The following CGB1 variants were observed in gnomAD, a reference collection of about 807,000 sequenced individuals.
The protein encoded by CGB1 is choriogonadotropin subunit beta variant 1.
A neutral mutation model predicts 7.0 loss-of-function variants in CGB1; 4 were observed. That is an observed-to-expected ratio of 0.57 (90% CI 0.28 to 1.31). The LOEUF (loss-of-function observed/expected upper bound fraction) is 1.31, where lower values mean the gene tolerates loss of function less well. Among genes scored for constraint, CGB1 ranks in the 50% most tolerant of loss-of-function variants. The pLI, the probability that CGB1 is intolerant of heterozygous loss-of-function variation, is 0.10. For missense variants in CGB1, 139 were observed against 219.1 expected, an observed-to-expected ratio of 0.63 and a Z score of 2.31; for synonymous variants, 72 against 96.4, an observed-to-expected ratio of 0.75 and a Z score of 1.48.
rs374210570 is a variant in CGB1 at position 49,035,740 on chromosome 19, C to T, written c.338G>A (p.Arg113His). 69 of 1,607,942 alleles carry T rather than the reference C, an allele frequency of 4.3e-5. No individual in the cohort carries two copies. Among genetic ancestry groups the T allele is most frequent in the Middle Eastern group, 4.5e-4 (2 of 4,442 alleles). Reference sequence around the variant, plus strand: ...GGGACCCCCGCAGTCAGTGGTGCTGCGGCGGCAGAGTGCACATTGACAGCT... The same window carrying T: ...GGGACCCCCGCAGTCAGTGGTGCTGTGGCGGCAGAGTGCACATTGACAGCT... ...ALSCQCALCRRSTTDCGGPKD... is the reference protein window; with the variant it reads ...ALSCQCALCRHSTTDCGGPKD... Residue 113 changes from arginine (R) to histidine (H), a missense_variant, in exon 3 of 3, where the codon CGC becomes CAC. Arg to His is a conservative substitution (Grantham distance 29). This residue lies in a region of CGB1 where 60 missense variants were observed against 105.8 expected (regional missense o/e 0.57). Transcript: ENST00000301407.
chr19:49,036,375 G>C, intron 1 of CGB1, 72 bp from the exon 2 acceptor site: 2 of 1,601,656 alleles, frequency 1.2e-6, no homozygotes, highest in Non-Finnish European at 1.7e-6. Flanking sequence ...ATCCCGCATG[G>C]TACACCACCC....
At position 49,035,677 on chromosome 19, in the gene CGB1, T is replaced by C. The variant is rs770198800; in HGVS notation, c.401A>G (p.Gln134Arg). The stretch of plus-strand genomic sequence containing the variant: ...AGGGGCCTTTGAGGAAGAGGAGTCC[T>C]GGAAGCGGGGGTCATCACAGGTCAA... ...HPLTCDDPRF[Q>R]DSSSSKAPPP... is the part of the protein sequence containing the mutation. The change falls in exon 3 of 3, where the codon CAG becomes CGG. Residue 134 changes from glutamine to arginine, a missense_variant. Physicochemically the swap from Gln to Arg is conservative, Grantham distance 43. This residue lies in a region of CGB1 where 44 missense variants were observed against 35.0 expected (regional missense o/e 1.26). Transcript: ENST00000301407. The C allele has an allele frequency of 7.5e-6, 12 of 1,610,254 alleles. No homozygotes were observed. Among genetic ancestry groups the C allele is most frequent in the Admixed American group, 3.3e-5 (2 of 59,906 alleles).
rs763390923 is a variant in CGB1 at position 49,035,684 on chromosome 19, G to A, written c.394C>T (p.Arg132Cys). The change falls in exon 3 of 3, where the codon CGC becomes TGC. Residue 132 changes from arginine to cysteine, a missense_variant. Arg to Cys is a radical substitution (Grantham distance 180). Transcript: ENST00000301407. ...TTTGAGGAAGAGGAGTCCTGGAAGC[G>A]GGGGTCATCACAGGTCAAGGGGTGG... ...KDHPLTCDDP[R>C]FQDSSSSKAP... 4.3e-6 allele frequency: 7 copies of A among 1,610,262 alleles called. No individual in the cohort carries two copies. Among genetic ancestry groups the A allele is most frequent in the Middle Eastern group, 2.3e-4 (1 of 4,438 alleles).
At chr19:49,036,521 C>A in intron 1 of CGB1, 182 bp downstream of exon 1, 3 of 1,597,380 alleles carry the variant, frequency 1.9e-6, no homozygotes, top group Non-Finnish European at 2.6e-6. Flanking sequence ...CAGGAACTGA[C>A]CCACCTGAAG....
Position 49,036,780 on chromosome 19 carries a change from C to A in CGB1, c.-69G>T, listed in dbSNP as rs573599743. The A allele has an allele frequency of 8.7e-6, 14 of 1,610,616 alleles. No homozygotes were observed. Among genetic ancestry groups the A allele is most frequent in the Admixed American group, 5.0e-5 (3 of 59,942 alleles). On this transcript the variant is annotated 5_prime_UTR_variant, in exon 1 of 3. Coordinates refer to ENST00000301407, the MANE Select transcript of CGB1 (RefSeq NM_033377.2). ...GGACATGGAAAGTAAATTGAGTCTC[C>A]GTGGGGGAGTGAGACAGGGAGTGAG...
chr19:49,036,563 G>C, intron 1 of CGB1, 140 bp downstream of exon 1: 35 of 1,612,376 alleles, frequency 2.2e-5, no homozygotes, highest in Non-Finnish European at 2.9e-5. Context: ...CCAGAAAGAG[G>C]CCTCCTTCCA....
At position 49,036,833 on chromosome 19, in the gene CGB1, G is replaced by C. The variant is rs900856459; in HGVS notation, c.-122C>G. The C allele has an allele frequency of 1.1e-5, 16 of 1,438,082 alleles. No individual in the cohort carries two copies. The Admixed American group carries it at 1.9e-4, about 17-fold the overall frequency. The allele number at this position is 1,438,082 out of a possible 1,614,324, so 89.1% of individuals were successfully genotyped here. A position where few individuals can be genotyped will look rare whatever the true frequency, so the allele number is the denominator to read the frequency against. On this transcript the variant is annotated 5_prime_UTR_variant, in exon 1 of 3. Transcript: ENST00000301407. ...GTGTTGGACGCGGCACGGGAACCTGGCCAGAGTCAGCGGACCCAATTGGCT... is the reference window on the plus strand; with the variant it reads ...GTGTTGGACGCGGCACGGGAACCTGCCCAGAGTCAGCGGACCCAATTGGCT...
Position 49,035,812 on chromosome 19 carries a change from C to T in CGB1, c.266G>A (p.Gly89Asp). 1 of 1,580,832 alleles carries T rather than the reference C, an allele frequency of 6.3e-7. No homozygotes were observed. The highest frequency in any genetic ancestry group is 1.8e-5 in the Admixed American group (1 of 56,986). The change falls in exon 3 of 3, where the codon GGC (glycine) becomes GAC (aspartate). Residue 89 changes from glycine (G) to aspartate (D), a missense_variant. By Grantham distance (94) the Gly-to-Asp change is moderately conservative (BLOSUM62 -1). Transcript: ENST00000301407. ...DVRFESIRLP[G>D]CPRGVNPVVS... ...CACGGGGTTCACGCCGCGCGGGCAG[C>T]CAGGGAGCCGGATGGACTCGAAGCG...
rs568088651 is a variant in CGB1, at chr19:49,036,416, T to C, written c.10-113A>G. 3.9e-4 allele frequency: 629 copies of C among 1,595,116 alleles called. 1 individual carries two copies. Among genetic ancestry groups the C allele is most frequent in the African/African-American group, 1.9e-3 (142 of 74,736 alleles). ...GACCCAGAGACCCTTCCCGGCATCT[T>C]CTATTCAGGACCCACCACCCGGACA... On this transcript the variant is annotated intron_variant, in intron 1 of 2. Coordinates refer to ENST00000301407, the MANE Select transcript of CGB1 (RefSeq NM_033377.2).
In CGB1 at chr19:49,035,610, C is replaced by T. The variant is rs542056595; in HGVS notation, c.468G>A (p.Ter156=). The T allele has an allele frequency of 9.1e-5, 147 of 1,611,392 alleles. 3 individuals are homozygous for T. Among genetic ancestry groups the T allele is most frequent in the East Asian group, 6.0e-4 (27 of 44,850 alleles). ...LPSPSRLPGP[*] is the part of the protein sequence containing the mutation. Reference sequence around the variant, plus strand: ...TTTATTGTGGGAGGATCGGGGTGTCCTAGGGCCCCGGGAGACGGGATGGAC... The same window carrying T: ...TTTATTGTGGGAGGATCGGGGTGTCTTAGGGCCCCGGGAGACGGGATGGAC... The change falls in exon 3 of 3, where the codon TAG becomes TAA. Residue 156 remains the stop codon, a stop_retained_variant. Transcript: ENST00000301407.
rs202114192 is a variant in CGB1, at chr19:49,035,634, A to G, written c.444T>C (p.Ser148=). The change falls in exon 3 of 3, where the codon AGT becomes AGC. Residue 148 remains serine, a synonymous_variant. Transcript: ENST00000301407. ...CCTAGGGCCCCGGGAGACGGGATGG[A>G]CTTGGAAGGCTGGGGGGAGGGGCCT... ...SSKAPPPSLP[S]PSRLPGP is the part of the protein sequence containing the mutation. 1,230 of 1,610,278 alleles carry G rather than the reference A, an allele frequency of 7.6e-4. 12 individuals are homozygous for G. Among genetic ancestry groups the G allele is most frequent in the African/African-American group, 7.6e-3 (566 of 74,122 alleles).
At position 49,036,843 on chromosome 19, in the gene CGB1, G is replaced by T. The variant is rs34228596; in HGVS notation, c.-132C>A. ...CGGCACGGGAACCTGGCCAGAGTCAGCGGACCCAATTGGCTGCTCTCTCTC... is the reference window on the plus strand; with the variant it reads ...CGGCACGGGAACCTGGCCAGAGTCATCGGACCCAATTGGCTGCTCTCTCTC... On this transcript the variant is annotated 5_prime_UTR_variant, in exon 1 of 3. In the 5' UTR this introduces an upstream ATG that the reference lacks. Coordinates refer to ENST00000301407, the MANE Select transcript of CGB1 (RefSeq NM_033377.2). 7.8e-4 allele frequency: 1,040 copies of T among 1,331,634 alleles called. 12 individuals are homozygous for T. In the East Asian group the frequency reaches 0.022, roughly 28 times the overall value. 82.5% of individuals were successfully genotyped at this position (1,331,634 alleles called of 1,614,324 possible).
chr19:49,036,026 AC>A, intron 2 of CGB1, 109 bp downstream of exon 2: 1 of 1,482,142 alleles, frequency 6.7e-7, no homozygotes, highest in Middle Eastern at 2.4e-4. Context: ...GCCCTCCCAC[AC>A]CCCATTCCGC....
chr19:49,036,337 G>A (rs749949526), intron 1 of CGB1, 34 bp from the exon 2 acceptor site: 2 of 1,603,236 alleles, frequency 1.2e-6, no homozygotes, highest in South Asian at 2.2e-5. Context: ...CCGGGTCTGA[G>A]ACTGCAGCCC....
chr19:49,036,540 G>A (rs2039821337), intron 1 of CGB1, 163 bp downstream of exon 1: 23 of 1,607,098 alleles, frequency 1.4e-5, no homozygotes, highest in Non-Finnish European at 1.9e-5. Context: ...AGCTTACTGG[G>A]GGTCACGCTC....
In CGB1 at chr19:49,036,254, T is replaced by C. The variant is rs145503774; in HGVS notation, c.59A>G (p.Lys20Arg). Residue 20 changes from lysine (K) to arginine (R), a missense_variant, in exon 2 of 3, where the codon AAG (lysine) becomes AGG (arginine). Physicochemically the swap from Lys to Arg is conservative, Grantham distance 26. Around this residue, in one of 4 missense-constraint regions of CGB1, gnomAD observed 24 missense variants for 23.9 expected, o/e 1.00. Coordinates refer to ENST00000301407, the MANE Select transcript of CGB1 (RefSeq NM_033377.2). ...LLSMGGTWAS[K>R]EPLRPRCRPI... ...GCGGCACCGTGGCCGAAGCGGCTCC[T>C]TGGATGCCCATGTCCCGCCCATGCT... 268 of 1,608,440 alleles carry C rather than the reference T, an allele frequency of 1.7e-4. No individual in the cohort carries two copies. The African/African-American group carries it at 3.3e-3, about 20-fold the overall frequency.
In CGB1 at chr19:49,036,253, C is replaced by T. The variant is rs574448905; in HGVS notation, c.60G>A (p.Lys20=). Residue 20 remains lysine, a synonymous_variant, in exon 2 of 3, where the codon AAG becomes AAA. Transcript: ENST00000301407. ...GGCGGCACCGTGGCCGAAGCGGCTC[C>T]TTGGATGCCCATGTCCCGCCCATGC... ...LLSMGGTWAS[K]EPLRPRCRPI... The T allele has an allele frequency of 4.4e-6, 7 of 1,608,510 alleles. No individual in the cohort carries two copies. The East Asian group carries it at 1.3e-4, about 31-fold the overall frequency.
chr19:49,036,793 G>C lies in CGB1; in HGVS notation c.-82C>G, dbSNP rs1348503251. ...AAATTGAGTCTCCGTGGGGGAGTGAGACAGGGAGTGAGGGGTGTTGGACGC... is the reference window on the plus strand; with the variant it reads ...AAATTGAGTCTCCGTGGGGGAGTGACACAGGGAGTGAGGGGTGTTGGACGC... On this transcript the variant is annotated 5_prime_UTR_variant, in exon 1 of 3. Transcript: ENST00000301407. The C allele has an allele frequency of 6.9e-6, 11 of 1,602,042 alleles. No homozygotes were observed. The East Asian group carries it at 1.3e-4, about 20-fold the overall frequency.
chr19:49,036,668 C>T (rs762305269), intron 1 of CGB1, 35 bp downstream of exon 1: 2 of 1,613,950 alleles, frequency 1.2e-6, no homozygotes, highest in Non-Finnish European at 1.7e-6. Flanking sequence ...GGAACATCTC[C>T]ATCTTTGGTG....
Sources: gnomAD v4.1 joint callset for allele counts on GRCh38, gnomAD v4.1.1 for gene constraint, gnomAD v4.1.1 regional missense constraint, MANE v1.5 for transcripts, NCBI Gene and HGNC (gene_info 2026-07-23, HGNC 2026-07-21) for gene names.